The following VWA5A variants were observed in gnomAD, a reference collection of about 807,000 sequenced individuals.
VWA5A encodes the protein von Willebrand factor A domain-containing protein 5A.
VWA5A carries 77 observed loss-of-function variants against 84.6 expected under a neutral mutation model. That is an observed-to-expected ratio of 0.91 (90% CI 0.76 to 1.10). VWA5A has a LOEUF of 1.10. Ranked by LOEUF, VWA5A falls within the 50% of genes least tolerant of loss-of-function variation. The pLI, the probability that VWA5A is intolerant of heterozygous loss-of-function variation, is 0.00. For missense variants in VWA5A, 973 were observed against 963.0 expected, an observed-to-expected ratio of 1.01 and a Z score of -0.14; for synonymous variants, 334 against 350.1, an observed-to-expected ratio of 0.95 and a Z score of 0.51.
chr11:124,136,694 T>TTCCTTCCTTCCG lies in VWA5A; in HGVS notation c.1625+31_1625+32insGTCCTTCCTTCC. 3.2e-6 allele frequency: 1 copy of TTCCTTCCTTCCG among 312,228 alleles called. No homozygotes were observed. The highest frequency in any genetic ancestry group is 3.9e-5 in the Admixed American group (1 of 25,826). 19.3% of individuals were successfully genotyped at this position (312,228 alleles called of 1,614,324 possible). On this transcript the variant is annotated intron_variant, in intron 14 of 18. Coordinates refer to ENST00000456829, the MANE Select transcript of VWA5A (RefSeq NM_001130142.2). ...TGTCAAGTGAGAATTCAGTTTTCCC[T>TTCCTTCCTTCCG]TCCTTCCTTCCTTCCTTCCTTCCTT...
At chr11:124,122,787 T>C (rs951955579) in intron 7 of VWA5A, among the ~76,000 whole-genome samples, 173 bp from the exon 8 acceptor site, 1 of 152,232 alleles carries the variant, frequency 6.6e-6, no homozygotes, top group Non-Finnish European at 1.5e-5. Flanking sequence ...GTCTGTCTTA[T>C]ATATTTATAA....
intron 10 of VWA5A, 24 bp downstream of exon 10, chr11:124,123,828 A>G (rs1474728836): frequency 3.3e-6 from 5 of 1,536,684 alleles, no homozygotes; most frequent in Non-Finnish European, 4.4e-6. Flanking sequence ...CAGAGCTAAC[A>G]GAAGAGACAG....
intron 8 of VWA5A, 98 bp from the exon 9 acceptor site, chr11:124,123,268 G>A: frequency 1.3e-6 from 2 of 1,513,322 alleles, no homozygotes; most frequent in Non-Finnish European, 1.8e-6. Context: ...GAAGGCACAA[G>A]GTGGGGGATG....
intron 15 of VWA5A, among the ~76,000 whole-genome samples, chr11:124,139,258 T>TGTGTG (rs1167473133): frequency 1.3e-5 from 2 of 151,594 alleles, no homozygotes; most frequent in Middle Eastern, 3.4e-3. Flanking sequence ...TGTGTGTGTG[T>TGTGTG]TTTCTCAAGG....
intron 11 of VWA5A, among the ~76,000 whole-genome samples, chr11:124,134,054 A>G (rs1865136430): frequency 6.6e-6 from 1 of 152,242 alleles, no homozygotes; most frequent in Non-Finnish European, 1.5e-5. Flanking sequence ...GACCTTAAAA[A>G]TATAACAGCA....
In VWA5A at chr11:124,124,266, A is replaced by G. The variant is rs951629106; in HGVS notation, c.1194A>G (p.Thr398=). Residue 398 remains threonine, a synonymous_variant, in exon 11 of 19, where the codon ACA becomes ACG. Coordinates refer to ENST00000456829, the MANE Select transcript of VWA5A (RefSeq NM_001130142.2). Reference sequence around the variant, plus strand: ...TTGTCTTTACAGATGGAGAAGTTACAGACACGTTTAGTGTAATTAAAGAAG... The same window carrying G: ...TTGTCTTTACAGATGGAGAAGTTACGGACACGTTTAGTGTAATTAAAGAAG... ...QLFVFTDGEV[T]DTFSVIKEVR... 6.2e-7 allele frequency: 1 copy of G among 1,614,004 alleles called. No homozygotes were observed. Among genetic ancestry groups the G allele is most frequent in the Admixed American group, 1.7e-5 (1 of 59,992 alleles).
At chr11:124,138,401 C>T (rs560466141) in intron 15 of VWA5A, among the ~76,000 whole-genome samples, 40 of 152,158 alleles carry the variant, frequency 2.6e-4, no homozygotes, top group Non-Finnish European at 5.0e-4. Context: ...TTTACATTCT[C>T]ACCATGGTGT....
At chr11:124,143,232 T>A (rs1860762783) in intron 17 of VWA5A, among the ~76,000 whole-genome samples, 1 of 152,222 alleles carries the variant, frequency 6.6e-6, no homozygotes, top group South Asian at 2.1e-4. Context: ...TTAAATATGC[T>A]GATAAGGATA....
chr11:124,134,004 A>G (rs1865135669), intron 11 of VWA5A, among the ~76,000 whole-genome samples: 1 of 152,212 alleles, frequency 6.6e-6, no homozygotes, highest in South Asian at 2.1e-4. Context: ...GTGAGCCACC[A>G]CACCCAGCCA....
intron 11 of VWA5A, among the ~76,000 whole-genome samples, chr11:124,126,585 C>G (rs1010410227): frequency 1.2e-4 from 18 of 152,004 alleles, no homozygotes; most frequent in Non-Finnish European, 1.8e-4. Context: ...ATGGTGAAAC[C>G]CTGTCTCTAC....
Position 124,118,682 on chromosome 11 carries a change from C to G in VWA5A, c.619C>G (p.Leu207Val). 6.2e-7 allele frequency: 1 copy of G among 1,613,980 alleles called. No homozygotes were observed. The highest frequency in any genetic ancestry group is 8.5e-7 in the Non-Finnish European group (1 of 1,179,984). ...SNCPLSPTEY[L>V]GEDKTSAQVS... ...CTGCCCCTTGAGTCCTACCGAGTACCTAGGAGAGGACAAGACTTCTGCTCA... is the reference window on the plus strand; with the variant it reads ...CTGCCCCTTGAGTCCTACCGAGTACGTAGGAGAGGACAAGACTTCTGCTCA... The change falls in exon 6 of 19, where the codon CTA (leucine) becomes GTA (valine). Residue 207 changes from leucine (L) to valine (V), a missense_variant. By Grantham distance (32) the Leu-to-Val change is conservative. Transcript: ENST00000456829.
rs1860586004 is a variant in VWA5A, at chr11:124,136,392, A to G, written c.1524+99A>G. 1.3e-5 allele frequency: 20 copies of G among 1,519,362 alleles called. No individual in the cohort carries two copies. In the South Asian group the frequency reaches 2.2e-4, roughly 16 times the overall value. 94.1% of individuals were successfully genotyped at this position (1,519,362 alleles called of 1,614,324 possible). On this transcript the variant is annotated intron_variant, in intron 13 of 18. Coordinates refer to ENST00000456829, the MANE Select transcript of VWA5A (RefSeq NM_001130142.2). ...GATTTCAATCTCAGCCAGAGACGGC[A>G]CTTGCCAAGTATAGCTAGCCTACTT...
At position 124,123,669 on chromosome 11, in the gene VWA5A, G is replaced by A. The variant is rs1864969604; in HGVS notation, c.1029G>A (p.Val343=). 1 of 1,614,128 alleles carries A rather than the reference G, an allele frequency of 6.2e-7. No homozygotes were observed. Among genetic ancestry groups the A allele is most frequent in the Non-Finnish European group, 8.5e-7 (1 of 1,180,022 alleles). The change falls in exon 10 of 19, where the codon GTG becomes GTA. Residue 343 remains valine, a synonymous_variant. Coordinates refer to ENST00000456829, the MANE Select transcript of VWA5A (RefSeq NM_001130142.2). ...TGTTTGTTTTTCTCAGGGAGAGTGT[G>A]AAGTACACTCAGCAAACAATGGAGG... ...SSYEACFPES[V]KYTQQTMEEA...
rs777014462 is a variant in VWA5A, at chr11:124,124,282, A to G, written c.1210A>G (p.Ile404Val). 16 of 1,614,132 alleles carry G rather than the reference A, an allele frequency of 9.9e-6. No individual in the cohort carries two copies. The highest frequency in any genetic ancestry group is 1.4e-5 in the Non-Finnish European group (16 of 1,180,016). ...AGAAGTTACAGACACGTTTAGTGTAATTAAAGAAGTTAGGATCAACAGACA... is the reference window on the plus strand; with the variant it reads ...AGAAGTTACAGACACGTTTAGTGTAGTTAAAGAAGTTAGGATCAACAGACA... ...DGEVTDTFSV[I>V]KEVRINRQKH... Residue 404 changes from isoleucine (I) to valine (V), a missense_variant, in exon 11 of 19, where the codon ATT becomes GTT. By Grantham distance (29) the Ile-to-Val change is conservative. Coordinates refer to ENST00000456829, the MANE Select transcript of VWA5A (RefSeq NM_001130142.2).
chr11:124,123,150 CT>C, intron 8 of VWA5A, 21 bp downstream of exon 8: 1 of 1,603,318 alleles, frequency 6.2e-7, no homozygotes, highest in Non-Finnish European at 8.5e-7. Flanking sequence ...TTTCTTTCCT[CT>C]TCTGGGTCAC....
chr11:124,139,754 T>A (rs997898770), intron 15 of VWA5A, among the ~76,000 whole-genome samples: 4 of 152,048 alleles, frequency 2.6e-5, no homozygotes, highest in Admixed American at 6.5e-5. Context: ...ACAGGTGTAG[T>A]TTAACTTCCT....
intron 16 of VWA5A, 52 bp from the exon 17 acceptor site, chr11:124,142,390 G>A: frequency 6.2e-7 from 1 of 1,602,790 alleles, no homozygotes; most frequent in South Asian, 1.1e-5. Flanking sequence ...AGTGTGCTGA[G>A]GTGCCGATAG....
In VWA5A at chr11:124,117,527, G is replaced by A. The variant is rs1382313560; in HGVS notation, c.16G>A (p.Gly6Ser). ...TTGCATCACCATGGTGCACTTCTGT[G>A]GCCTACTCACCCTCCACCGGGAGCC... is the stretch of plus-strand genomic sequence containing the variant. MVHFC[G>S]LLTLHREPVP... Residue 6 changes from glycine to serine, a missense_variant, in exon 3 of 19, where the codon GGC (glycine) becomes AGC (serine). By Grantham distance (56) the Gly-to-Ser change is moderately conservative. Coordinates refer to ENST00000456829, the MANE Select transcript of VWA5A (RefSeq NM_001130142.2). 1 of 1,614,092 alleles carries A rather than the reference G, an allele frequency of 6.2e-7. No homozygotes were observed. The highest frequency in any genetic ancestry group is 1.1e-5 in the South Asian group (1 of 91,084).
intron 15 of VWA5A, among the ~76,000 whole-genome samples, chr11:124,138,216 A>T (rs966713462): frequency 1.3e-5 from 2 of 152,196 alleles, no homozygotes; most frequent in African/African-American, 4.8e-5. Flanking sequence ...TCATCCACTG[A>T]TGGATACCTA....
Sources: gnomAD v4.1 joint callset for allele counts (sites outside exome capture counted in the v4.1 genomes callset) on GRCh38, gnomAD v4.1.1 for gene constraint, MANE v1.5 for transcripts, NCBI Gene and HGNC (gene_info 2026-07-23, HGNC 2026-07-21) for gene names.